The following MAU2 variants were observed in gnomAD, a reference collection of about 807,000 sequenced individuals.
The protein encoded by MAU2 is MAU2 sister chromatid cohesion factor.
In MAU2, 9 loss-of-function variants were observed where a neutral mutation model predicts 89.1. The observed-to-expected ratio is 0.10, with a 90% CI of 0.06 to 0.18. MAU2 has a LOEUF of 0.18. Ranked by LOEUF, MAU2 falls within the 10% of genes least tolerant of loss-of-function variation. MAU2 has a pLI of 1.00. For synonymous variants in MAU2, 357 were observed against 343.4 expected (o/e 1.04, Z -0.44); for missense variants, 425 against 803.5 (o/e 0.53, Z 5.69).
chr19:19,324,509 C>T (rs897862738), intron 1 of MAU2, among the ~76,000 whole-genome samples: 4 of 152,204 alleles, frequency 2.6e-5, no homozygotes, highest in African/African-American at 9.6e-5. Flanking sequence ...TCCCTTGTCT[C>T]CCAGGGCTGT....
In MAU2 at chr19:19,333,630, C is replaced by T. The variant is rs139406155; in HGVS notation, c.277-2088C>T. ...TGGACATGTCCTTTTGAAGTCTACCCGCCACAGACATGCACGTGTGGGCTG... is the reference window on the plus strand; with the variant it reads ...TGGACATGTCCTTTTGAAGTCTACCTGCCACAGACATGCACGTGTGGGCTG... On this transcript the variant is annotated intron_variant, in intron 1 of 18. Transcript: ENST00000262815. Among the ~76,000 whole-genome samples, 282 of 152,364 alleles carry T rather than the reference C, an allele frequency of 1.9e-3. 2 individuals carry two copies. Among genetic ancestry groups the T allele is most frequent in the African/African-American group, 6.3e-3 (261 of 41,590 alleles).
In MAU2 at chr19:19,321,063, C is replaced by G. The variant is rs1441657358; in HGVS notation, c.204C>G (p.His68Gln). The G allele has an allele frequency of 6.2e-7, 1 of 1,612,462 alleles. No individual in the cohort carries two copies. The highest frequency in any genetic ancestry group is 8.5e-7 in the Non-Finnish European group (1 of 1,179,438). The part of the protein sequence containing the change: ...KPPQRIEART[H>Q]LQLGSVLYHH... ...CGCAGCGCATCGAGGCCCGTACACA[C>G]CTGCAGCTGGGCTCCGTTCTCTATC... The change falls in exon 1 of 19, where the codon CAC becomes CAG. Residue 68 changes from histidine (H) to glutamine (Q), a missense_variant. Transcript: ENST00000262815.
At chr19:19,322,943 C>T (rs4808945) in intron 1 of MAU2, among the ~76,000 whole-genome samples, 151,456 of 152,276 alleles carry the variant, frequency 0.99, 75,321 homozygotes, top group Middle Eastern at 1. Context: ...GGGGCTGTAG[C>T]GCAATGGCAG....
intron 5 of MAU2, 75 bp downstream of exon 5, chr19:19,339,014 A>T: frequency 8.4e-7 from 1 of 1,193,972 alleles, no homozygotes; most frequent in East Asian, 2.4e-5. Flanking sequence ...CAGGACAAAT[A>T]ACAGAAATGG....
In MAU2 at chr19:19,336,012, C is replaced by G. The variant is rs145956644; in HGVS notation, c.295-110C>G. 11 of 804,102 alleles carry G rather than the reference C, an allele frequency of 1.4e-5. No individual in the cohort carries two copies. In the African/African-American group the frequency reaches 1.7e-4, roughly 12 times the overall value. The allele number at this position is 804,102 out of a possible 1,614,324, so 49.8% of individuals were successfully genotyped here. A position where few individuals can be genotyped will look rare whatever the true frequency, so the allele number is the denominator to read the frequency against. On this transcript the variant is annotated intron_variant, in intron 2 of 18. Coordinates refer to ENST00000262815, the MANE Select transcript of MAU2 (RefSeq NM_015329.4). ...GGAAAACTTGGAATTTCAGGGCAGGCAGGGACGTGTGTGCCCTGCAGACCT... is the reference window on the plus strand; with the variant it reads ...GGAAAACTTGGAATTTCAGGGCAGGGAGGGACGTGTGTGCCCTGCAGACCT...
chr19:19,326,150 G>A (rs1240619184), intron 1 of MAU2, among the ~76,000 whole-genome samples: 2 of 152,014 alleles, frequency 1.3e-5, no homozygotes, highest in African/African-American at 4.8e-5. Flanking sequence ...ATAGGTGTGT[G>A]TCACCATGCC....
intron 4 of MAU2, among the ~76,000 whole-genome samples, 177 bp downstream of exon 4, chr19:19,337,442 C>T (rs2061606531): frequency 2.6e-5 from 4 of 152,246 alleles, no homozygotes; most frequent in African/African-American, 7.2e-5. Flanking sequence ...CCCTTTCAGC[C>T]TCCATCCTTG....
intron 3 of MAU2, 45 bp from the exon 4 acceptor site, chr19:19,337,124 GT>G (rs34414052): frequency 8.4e-4 from 976 of 1,158,216 alleles, no homozygotes; most frequent in Middle Eastern, 1.2e-3. Context: ...TTGCCGCCTT[GT>G]TTTTTTTTTT....
intron 2 of MAU2, among the ~76,000 whole-genome samples, 180 bp downstream of exon 2, chr19:19,335,915 T>C (rs1055761377): frequency 6.6e-6 from 1 of 152,166 alleles, no homozygotes; most frequent in African/African-American, 2.4e-5. Context: ...CTCCTCTTTG[T>C]GCTTCTCTTC....
At position 19,347,158 on chromosome 19, in the gene MAU2, T is replaced by C. The variant is rs879315351; in HGVS notation, c.1222-122T>C. ...AGCTTAGGAGGCAAAACAAGTGTGT[T>C]TGAAATGAAAAGAACAAGTCTTTTC... On this transcript the variant is annotated intron_variant, in intron 12 of 18. Transcript: ENST00000262815. 97 of 680,820 alleles carry C rather than the reference T, an allele frequency of 1.4e-4. No individual in the cohort carries two copies. The Admixed American group carries it at 2.2e-3, about 15-fold the overall frequency. The allele number at this position is 680,820 out of a possible 1,614,324, so 42.2% of individuals were successfully genotyped here. A position where few individuals can be genotyped will look rare whatever the true frequency, so the allele number is the denominator to read the frequency against.
chr19:19,335,364 G>A (rs2061587843), intron 1 of MAU2, among the ~76,000 whole-genome samples: 1 of 152,198 alleles, frequency 6.6e-6, no homozygotes, highest in South Asian at 2.1e-4. Flanking sequence ...CTACTTCCGT[G>A]TGACACCTGG....
intron 7 of MAU2, among the ~76,000 whole-genome samples, chr19:19,342,216 G>A (rs1055135468): frequency 4.6e-5 from 7 of 152,134 alleles, no homozygotes; most frequent in African/African-American, 1.7e-4. Context: ...TCCCCCTGCC[G>A]TCTCAGGTCT....
chr19:19,336,943 G>A (rs1444498993), intron 3 of MAU2, among the ~76,000 whole-genome samples: 1 of 152,218 alleles, frequency 6.6e-6, no homozygotes, highest in Non-Finnish European at 1.5e-5. Flanking sequence ...CAGTCCAGTT[G>A]AATGAGAAGT....
intron 17 of MAU2, chr19:19,355,045 G>T: frequency 1.9e-6 from 1 of 537,858 alleles, no homozygotes; most frequent in Non-Finnish European, 3.3e-6. Context: ...GCCTGGCATT[G>T]GGCTTTCACT....
In MAU2 at chr19:19,356,053, C is replaced by T. The variant is rs1260000592; in HGVS notation, c.*271C>T. On this transcript the variant is annotated 3_prime_UTR_variant, in exon 19 of 19. Transcript: ENST00000262815. ...TTCAGAGTGGACCTCAGTGCCAGTC[C>T]TGCCTCAGCATCTGGGTCACGTCGG... The T allele has an allele frequency of 4.8e-6, 3 of 619,386 alleles. No individual in the cohort carries two copies. The highest frequency in any genetic ancestry group is 9.0e-6 in the Non-Finnish European group (3 of 331,530). 38.4% of individuals were successfully genotyped at this position (619,386 alleles called of 1,614,324 possible).
chr19:19,350,062 A>G (rs1441270379), intron 16 of MAU2, among the ~76,000 whole-genome samples: 3 of 150,272 alleles, frequency 2.0e-5, no homozygotes, highest in Non-Finnish European at 4.4e-5. Context: ...TGGGAGGCCA[A>G]GGCGGGCAGA....
intron 1 of MAU2, among the ~76,000 whole-genome samples, chr19:19,322,343 A>T (rs2061467476): frequency 6.6e-6 from 1 of 152,188 alleles, no homozygotes; most frequent in Non-Finnish European, 1.5e-5. Flanking sequence ...TTATGTCTGT[A>T]ATCCCAGTAT....
intron 1 of MAU2, among the ~76,000 whole-genome samples, chr19:19,329,956 A>ATTATTTAT (rs139674702): frequency 5.3e-5 from 8 of 151,132 alleles, no homozygotes; most frequent in African/African-American, 9.7e-5. Context: ...TGTCTTTTTA[A>ATTATTTAT]TTATTTATTT....
intron 5 of MAU2, among the ~76,000 whole-genome samples, chr19:19,339,155 A>G (rs2061620281): frequency 1.3e-5 from 2 of 152,196 alleles, no homozygotes; most frequent in Admixed American, 1.3e-4. Context: ...TCCACAAAAA[A>G]TACAAAAATT....
Sources: allele counts gnomAD v4.1 joint callset (sites outside exome capture counted in the v4.1 genomes callset), GRCh38; gene constraint gnomAD v4.1.1; transcripts MANE v1.5; gene names NCBI Gene and HGNC (gene_info 2026-07-23, HGNC 2026-07-21).